Variants in PRELID2 observed in about 807,000 individuals in gnomAD.
PRELID2 encodes PRELI domain containing 2.
Under a neutral mutation model 28.4 loss-of-function variants are expected in PRELID2, and 25 were observed. The ratio of observed to expected loss-of-function variants is 0.88; its 90% confidence interval spans 0.64 to 1.23. The LOEUF (loss-of-function observed/expected upper bound fraction) is 1.23. Ranked by LOEUF, PRELID2 falls within the 50% of genes most tolerant of loss-of-function variation. PRELID2 has a pLI of 0.00. For missense variants in PRELID2, 201 were observed against 214.4 expected (o/e 0.94, Z 0.39); for synonymous variants, 76 against 71.6 (o/e 1.06, Z -0.31).
chr5:145,280,835 C>G, the PRELID2 span, among the ~76,000 whole-genome samples: 1 of 148,442 alleles, frequency 6.7e-6, no homozygotes, highest in Non-Finnish European at 1.5e-5. Flanking sequence ...CTACATTTTT[C>G]TGTATATTTT....
intron 1 of PRELID2, among the ~76,000 whole-genome samples, chr5:145,529,808 A>G (rs1393680953): frequency 6.6e-6 from 1 of 152,228 alleles, no homozygotes; most frequent in East Asian, 1.9e-4. Context: ...ATATTTGAGC[A>G]TAAGCCCTGA....
chr5:145,457,521 G>A, the PRELID2 span, among the ~76,000 whole-genome samples: 1 of 152,156 alleles, frequency 6.6e-6, no homozygotes, highest in African/African-American at 2.4e-5. Context: ...ATTATATTCA[G>A]CCTCGCGGTG....
the PRELID2 span, among the ~76,000 whole-genome samples, chr5:145,320,415 C>T: frequency 6.6e-6 from 1 of 151,786 alleles, no homozygotes; most frequent in Non-Finnish European, 1.5e-5. Flanking sequence ...GGACTACAGG[C>T]GCCCGCCACT....
At chr5:145,245,490 G>T in the PRELID2 span, among the ~76,000 whole-genome samples, 1 of 151,932 alleles carries the variant, frequency 6.6e-6, no homozygotes, top group Admixed American at 6.6e-5. Context: ...GAACTTTGAC[G>T]TGGTTTTTCT....
chr5:145,668,015 A>G (rs1000365837), intron 1 of PRELID2, among the ~76,000 whole-genome samples: 1 of 152,120 alleles, frequency 6.6e-6, no homozygotes, highest in Non-Finnish European at 1.5e-5. Flanking sequence ...GAATCATCCA[A>G]TTCATTTTGG....
At chr5:145,328,361 C>G in the PRELID2 span, among the ~76,000 whole-genome samples, 5 of 152,200 alleles carry the variant, frequency 3.3e-5, no homozygotes, top group Non-Finnish European at 7.3e-5. Flanking sequence ...AAACACCACA[C>G]AGTCTTCTAA....
intron 1 of PRELID2, among the ~76,000 whole-genome samples, chr5:145,622,875 A>G (rs898627850): frequency 6.6e-6 from 1 of 152,088 alleles, no homozygotes; most frequent in Admixed American, 6.5e-5. Flanking sequence ...CTATGAACAC[A>G]TTATTTACTA....
chr5:145,590,824 C>A (rs116200740), intron 1 of PRELID2, among the ~76,000 whole-genome samples: 2 of 151,978 alleles, frequency 1.3e-5, no homozygotes, highest in Non-Finnish European at 2.9e-5. Flanking sequence ...TTTGCCTATG[C>A]CCCCCACTGA....
chr5:145,787,012 C>T (rs1409829601), intron 5 of PRELID2, among the ~76,000 whole-genome samples: 1 of 152,198 alleles, frequency 6.6e-6, no homozygotes, highest in East Asian at 1.9e-4. Flanking sequence ...TTCAATCGTT[C>T]TCTGCTTCAG....
chr5:145,238,515 G>A, the PRELID2 span, among the ~76,000 whole-genome samples: 3 of 152,002 alleles, frequency 2.0e-5, no homozygotes, highest in Admixed American at 6.6e-5. Flanking sequence ...ATTTCCTATT[G>A]CTACTTTTCC....
At chr5:145,671,962 TAATG>T (rs1754715437) in intron 1 of PRELID2, among the ~76,000 whole-genome samples, 1 of 152,122 alleles carries the variant, frequency 6.6e-6, no homozygotes, top group Non-Finnish European at 1.5e-5. Flanking sequence ...AAAATTATAA[TAATG>T]GTAAAATTGC....
At chr5:145,379,312 G>C in the PRELID2 span, among the ~76,000 whole-genome samples, 2 of 152,166 alleles carry the variant, frequency 1.3e-5, no homozygotes, top group African/African-American at 4.8e-5. Flanking sequence ...TAGCAGCTGT[G>C]GCAGAGTCCT....
At chr5:145,457,382 A>G in the PRELID2 span, among the ~76,000 whole-genome samples, 2 of 152,274 alleles carry the variant, frequency 1.3e-5, no homozygotes, top group East Asian at 3.9e-4. Flanking sequence ...ATGCTATTCA[A>G]CTTCCCTTTC....
chr5:145,710,204 T>C (rs950427685), intron 1 of PRELID2, among the ~76,000 whole-genome samples: 1 of 152,128 alleles, frequency 6.6e-6, no homozygotes, highest in Non-Finnish European at 1.5e-5. Flanking sequence ...ATTTTACTTA[T>C]CTCTGATATA....
At chr5:145,468,439 G>A (rs1217725746), downstream of PRELID2, among the ~76,000 whole-genome samples, 1 of 152,122 alleles carries the variant, frequency 6.6e-6, no homozygotes, top group African/African-American at 2.4e-5. Context: ...CCCAGTAATT[G>A]GATGGCTGGG....
At chr5:145,569,084 G>T (rs1752994781) in intron 1 of PRELID2, among the ~76,000 whole-genome samples, 1 of 152,208 alleles carries the variant, frequency 6.6e-6, no homozygotes, top group African/African-American at 2.4e-5. Flanking sequence ...TAGAACATCA[G>T]ATAGCATCCT....
chr5:145,800,256 A>G (rs969444153), intron 4 of PRELID2, among the ~76,000 whole-genome samples: 11 of 151,550 alleles, frequency 7.3e-5, no homozygotes, highest in African/African-American at 2.4e-4. Flanking sequence ...GGAAGCCTTC[A>G]GAATTCCTCT....
chr5:145,371,639 G>A, the PRELID2 span, among the ~76,000 whole-genome samples: 2 of 151,994 alleles, frequency 1.3e-5, no homozygotes, highest in Non-Finnish European at 2.9e-5. Flanking sequence ...ATGAGTTAGG[G>A]AGGAGTCCCT....
At chr5:145,288,573 A>G in the PRELID2 span, among the ~76,000 whole-genome samples, 1 of 152,158 alleles carries the variant, frequency 6.6e-6, no homozygotes, top group Non-Finnish European at 1.5e-5. Flanking sequence ...AAATGGTATT[A>G]AAAACCAGCA....
Sources: gnomAD v4.1 joint callset for allele counts (sites outside exome capture counted in the v4.1 genomes callset) on GRCh38, gnomAD v4.1.1 for gene constraint, MANE v1.5 for transcripts, NCBI Gene and HGNC (gene_info 2026-07-23, HGNC 2026-07-21) for gene names.